DSE: variants seen among roughly 807,000 people sequenced by gnomAD.
DSE encodes the protein dermatan sulfate epimerase.
A neutral mutation model predicts 84.4 loss-of-function variants in DSE; 36 were observed. The ratio of observed to expected loss-of-function variants is 0.43; its 90% CI spans 0.33 to 0.56. DSE has a LOEUF of 0.56. Among genes scored for constraint, DSE ranks in the 20% least tolerant of loss-of-function variants. The pLI, the probability that DSE is intolerant of heterozygous loss-of-function variation, is 0.06. For synonymous variants in DSE, 410 were observed against 430.1 expected, an observed-to-expected ratio of 0.95 and a Z score of 0.58; for missense variants, 862 against 1,169.6, an observed-to-expected ratio of 0.74 and a Z score of 3.84.
At position 116,426,622 on chromosome 6, in the gene DSE, G is replaced by A. The variant is rs370462103; in HGVS notation, c.465G>A (p.Leu155=). 6.2e-7 allele frequency: 1 copy of A among 1,613,958 alleles called. No individual in the cohort carries two copies. The stretch of plus-strand genomic sequence containing the variant: ...ATGAGGTCCCGCTTGCTCACTCCCT[G>A]GTTGGTTTTGCCACTGCTTATGACT... ...PWDEVPLAHS[L]VGFATAYDFL... is the part of the protein sequence containing the mutation. Residue 155 remains leucine (L), a synonymous_variant, in exon 3 of 6, where the codon CTG becomes CTA. Coordinates refer to ENST00000644252, the MANE Select transcript of DSE (RefSeq NM_013352.4).
At chr6:116,320,803 C>T (rs1776260344) in intron 2 of DSE, among the ~76,000 whole-genome samples, 1 of 152,166 alleles carries the variant, frequency 6.6e-6, no homozygotes, top group South Asian at 2.1e-4. Context: ...TTAGGGTCTA[C>T]CCTAACGACC....
At position 116,258,696 on chromosome 6, in the gene DSE, G is replaced by A. The variant is rs534765745; in HGVS notation, c.-325G>A. On this transcript the variant is annotated 5_prime_UTR_variant, in exon 2 of 4. Coordinates refer to the DSE transcript ENST00000430252. ...GATTCACACGGCGAAGTGGGGACAC[G>A]TCCACAGCCTGTCGTCTCACAGTCC... is the stretch of plus-strand genomic sequence containing the variant. The A allele has an allele frequency of 1.1e-4, 179 of 1,604,606 alleles. 1 individual carries two copies. Among genetic ancestry groups the A allele is most frequent in the Non-Finnish European group, 1.4e-4 (163 of 1,171,466 alleles).
chr6:116,282,150 C>T (rs1773582031), intron 2 of DSE, among the ~76,000 whole-genome samples: 1 of 152,206 alleles, frequency 6.6e-6, no homozygotes, highest in Admixed American at 6.5e-5. Context: ...TACTTCGTTT[C>T]TGTCTACAGA....
intron 2 of DSE, chr6:116,423,214 TGTG>T (rs1783203592): frequency 6.6e-6 from 1 of 152,182 alleles, no homozygotes; most frequent in African/African-American, 2.4e-5. Context: ...ATAGATAAAG[TGTG>T]AGTTCAAAAA....
chr6:116,271,073 G>A (rs191836526), intron 2 of DSE, among the ~76,000 whole-genome samples: 10 of 152,346 alleles, frequency 6.6e-5, no homozygotes, highest in Admixed American at 3.3e-4. Flanking sequence ...CCACAGGGTA[G>A]GGAACTTATT....
chr6:116,359,223 T>C (rs926835373), intron 2 of DSE, among the ~76,000 whole-genome samples: 1 of 152,094 alleles, frequency 6.6e-6, no homozygotes. Context: ...AAATCTGCCT[T>C]AAGGGAACTC....
chr6:116,420,726 C>T (rs1313845917), intron 2 of DSE, among the ~76,000 whole-genome samples: 1 of 152,180 alleles, frequency 6.6e-6, no homozygotes, highest in Non-Finnish European at 1.5e-5. Context: ...AATCTTTTCA[C>T]AGGCAGTTAT....
intron 1 of DSE, among the ~76,000 whole-genome samples, chr6:116,397,646 G>T (rs1214031811): frequency 6.6e-6 from 1 of 152,132 alleles, no homozygotes; most frequent in Non-Finnish European, 1.5e-5. Flanking sequence ...CTTTTGGCTG[G>T]GTCTCTGACC....
At chr6:116,429,266 A>T (rs533835174) in intron 3 of DSE, among the ~76,000 whole-genome samples, 1 of 152,308 alleles carries the variant, frequency 6.6e-6, no homozygotes, top group South Asian at 2.1e-4. Flanking sequence ...TGACAGCTGC[A>T]TTGCCCCCAT....
At chr6:116,269,436 A>G (rs551151449) in intron 2 of DSE, among the ~76,000 whole-genome samples, 1 of 152,330 alleles carries the variant, frequency 6.6e-6, no homozygotes, top group East Asian at 1.9e-4. Context: ...TTCTATTATG[A>G]AACTGTAATT....
At chr6:116,345,849 C>A (rs1188603865) in intron 2 of DSE, among the ~76,000 whole-genome samples, 3 of 151,724 alleles carry the variant, frequency 2.0e-5, no homozygotes, top group Non-Finnish European at 2.9e-5. Flanking sequence ...TCGAAAAGAT[C>A]AACAAAATTG....
At chr6:116,286,753 T>C (rs963088139) in intron 2 of DSE, among the ~76,000 whole-genome samples, 1 of 152,168 alleles carries the variant, frequency 6.6e-6, no homozygotes, top group African/African-American at 2.4e-5. Flanking sequence ...GGATGGAGAC[T>C]GATATGGGTA....
intron 2 of DSE, among the ~76,000 whole-genome samples, chr6:116,420,380 T>C (rs1214426930): frequency 6.6e-6 from 1 of 152,196 alleles, no homozygotes; most frequent in African/African-American, 2.4e-5. Context: ...GCTCTCATGA[T>C]AGGATAAGTG....
chr6:116,414,913 C>G (rs1465983812), intron 2 of DSE, among the ~76,000 whole-genome samples: 1 of 152,182 alleles, frequency 6.6e-6, no homozygotes, highest in Non-Finnish European at 1.5e-5. Flanking sequence ...TCTATTCAAA[C>G]AAGACATTCT....
rs544658550 is a variant in DSE at position 116,361,237 on chromosome 6, T to A, written c.-53-37961T>A. On this transcript the variant is annotated intron_variant, in intron 2 of 3. Transcript: ENST00000430252. ...ACCACGCCTGGGTAACTTTTTCTAC[T>A]TTTAGTAGAGGTGGGGTTTCACCAT... 4.6e-5 allele frequency among the ~76,000 whole-genome samples: 7 copies of A among 152,084 alleles called. No homozygotes were observed. The South Asian group carries it at 1.5e-3, about 32-fold the overall frequency.
intron 2 of DSE, among the ~76,000 whole-genome samples, chr6:116,326,874 A>G (rs904490975): frequency 6.6e-6 from 1 of 152,226 alleles, no homozygotes; most frequent in Non-Finnish European, 1.5e-5. Flanking sequence ...AGAACAATCT[A>G]TAAAGAGGGA....
At chr6:116,275,268 G>C (rs939312319) in intron 2 of DSE, among the ~76,000 whole-genome samples, 3 of 152,124 alleles carry the variant, frequency 2.0e-5, no homozygotes, top group African/African-American at 7.2e-5. Flanking sequence ...GTATATAAAA[G>C]GTAACCCAAA....
At chr6:116,345,447 A>C (rs1037613661) in intron 2 of DSE, among the ~76,000 whole-genome samples, 1 of 152,230 alleles carries the variant, frequency 6.6e-6, no homozygotes, top group Non-Finnish European at 1.5e-5. Context: ...TCAAACTAGA[A>C]CTCAGGATTA....
chr6:116,254,439 G>A (rs897358791), intron 1 of DSE: 2 of 361,092 alleles, frequency 5.5e-6, no homozygotes, highest in Admixed American at 6.7e-5. Context: ...TAGGAAAGTG[G>A]ATTCACGAAC....
Sources: allele counts gnomAD v4.1 joint callset (sites outside exome capture counted in the v4.1 genomes callset), GRCh38; gene constraint gnomAD v4.1.1; transcripts MANE v1.5; gene names NCBI Gene and HGNC (gene_info 2026-07-23, HGNC 2026-07-21).